The following ITGA1 variants were observed in gnomAD, a reference collection of about 807,000 sequenced individuals.
The protein encoded by ITGA1 is integrin subunit alpha 1.
A neutral mutation model predicts 145.9 loss-of-function variants in ITGA1; 85 were observed. The ratio of observed to expected loss-of-function variants is 0.58; its 90% confidence interval spans 0.49 to 0.70. The LOEUF (loss-of-function observed/expected upper bound fraction) is 0.70. Ranked by LOEUF, ITGA1 falls within the 30% of genes least tolerant of loss-of-function variation. The pLI is 0.00. For missense variants in ITGA1, 1,351 were observed against 1,418.7 expected (o/e 0.95, Z 0.77); for synonymous variants, 520 against 495.3 (o/e 1.05, Z -0.66).
chr5:52,851,647 C>T (rs532104807), intron 2 of ITGA1, among the ~76,000 whole-genome samples: 1 of 151,920 alleles, frequency 6.6e-6, no homozygotes, highest in Non-Finnish European at 1.5e-5. Context: ...TGCTAATGGT[C>T]TGTCTGAATG....
chr5:52,834,188 T>TC (rs1335731887), intron 1 of ITGA1, among the ~76,000 whole-genome samples: 1 of 152,200 alleles, frequency 6.6e-6, no homozygotes, highest in Non-Finnish European at 1.5e-5. Flanking sequence ...CTGTTCAAGT[T>TC]CACTTCATAG....
intron 18 of ITGA1, among the ~76,000 whole-genome samples, chr5:52,924,557 C>G (rs1166136369): frequency 1.3e-5 from 2 of 151,826 alleles, no homozygotes; most frequent in African/African-American, 2.4e-5. Context: ...AAATTCTAAA[C>G]TTTTGAAAGA....
chr5:52,882,771 C>T (rs1187028121), intron 7 of ITGA1: 1 of 152,158 alleles, frequency 6.6e-6, no homozygotes, highest in Non-Finnish European at 1.5e-5. Flanking sequence ...TAGCAAACTT[C>T]TGAACAAATT....
intron 1 of ITGA1, among the ~76,000 whole-genome samples, chr5:52,820,261 A>G (rs1748854696): frequency 6.6e-6 from 1 of 151,248 alleles, no homozygotes; most frequent in African/African-American, 2.4e-5. Context: ...TTCTCAGCAA[A>G]CTATCGCAAG....
intron 8 of ITGA1, 146 bp downstream of exon 8, chr5:52,888,111 G>C (rs761362631): frequency 9.6e-6 from 7 of 728,038 alleles, no homozygotes; most frequent in South Asian, 2.4e-5. Context: ...GGACAGACTT[G>C]GATCTTGCTC....
chr5:52,791,677 T>G (rs2111640845), intron 1 of ITGA1, among the ~76,000 whole-genome samples: 1 of 152,310 alleles, frequency 6.6e-6, no homozygotes, highest in South Asian at 2.1e-4. Flanking sequence ...TTCATTTTAA[T>G]CTAAAAAATT....
Position 52,905,826 on chromosome 5 carries a change from G to T in ITGA1, c.1373G>T (p.Arg458Leu). 1 of 1,613,490 alleles carries T rather than the reference G, an allele frequency of 6.2e-7. No homozygotes were observed. Among genetic ancestry groups the T allele is most frequent in the Non-Finnish European group, 8.5e-7 (1 of 1,179,776 alleles). Reference sequence around the variant, plus strand: ...GTGCTCTATATTGCTGGACAGCCTCGGTACAATCATACAGGCCAGGTCATT... The same window carrying T: ...GTGCTCTATATTGCTGGACAGCCTCTGTACAATCATACAGGCCAGGTCATT... ...GDVLYIAGQPRYNHTGQVIIY... is the reference protein window; with the variant it reads ...GDVLYIAGQPLYNHTGQVIIY... Residue 458 changes from arginine to leucine, a missense_variant, in exon 12 of 29, where the codon CGG (arginine) becomes CTG (leucine). Physicochemically the swap from Arg to Leu is moderately radical, Grantham distance 102 (BLOSUM62 -2). Transcript: ENST00000282588.
At chr5:52,835,487 A>C (rs1749148691) in intron 1 of ITGA1, among the ~76,000 whole-genome samples, 1 of 152,158 alleles carries the variant, frequency 6.6e-6, no homozygotes, top group Non-Finnish European at 1.5e-5. Context: ...TCGATTGAGA[A>C]TACAAGATGT....
intron 6 of ITGA1, among the ~76,000 whole-genome samples, chr5:52,868,585 T>C (rs1208382421): frequency 6.6e-6 from 1 of 152,206 alleles, no homozygotes; most frequent in Admixed American, 6.5e-5. Context: ...ATGTATTTTC[T>C]GGAGGGAACA....
intron 1 of ITGA1, among the ~76,000 whole-genome samples, chr5:52,841,677 C>A (rs1393777869): frequency 6.6e-6 from 1 of 152,188 alleles, no homozygotes; most frequent in East Asian, 1.9e-4. Flanking sequence ...AAAAGGGCTT[C>A]CAACTTTCAC....
At chr5:52,848,483 G>T (rs544408405) in intron 1 of ITGA1, among the ~76,000 whole-genome samples, 44 of 152,238 alleles carry the variant, frequency 2.9e-4, no homozygotes, top group African/African-American at 1.0e-3. Flanking sequence ...TCAGCTCTAG[G>T]AATGGTACAG....
intron 24 of ITGA1, 21 bp downstream of exon 24, chr5:52,937,535 A>T: frequency 1.5e-6 from 2 of 1,357,662 alleles, no homozygotes; most frequent in Non-Finnish European, 2.1e-6. Flanking sequence ...TGTGCCTTGG[A>T]ATTATGTCAT....
intron 21 of ITGA1, 71 bp downstream of exon 21, chr5:52,929,772 G>A (rs776816490): frequency 1.1e-5 from 9 of 839,184 alleles, no homozygotes; most frequent in Non-Finnish European, 1.5e-5. Flanking sequence ...CGAATATTTT[G>A]CTCTATAAAC....
intron 11 of ITGA1, 96 bp downstream of exon 11, chr5:52,898,479 T>C (rs1750265888): frequency 9.2e-7 from 1 of 1,091,852 alleles, no homozygotes; most frequent in Non-Finnish European, 1.3e-6. Context: ...TGCAACCATA[T>C]AGCAGGATTA....
chr5:52,911,358 A>ACAC (rs1750523956), intron 14 of ITGA1, among the ~76,000 whole-genome samples: 1 of 134,988 alleles, frequency 7.4e-6, no homozygotes, highest in Admixed American at 8.0e-5. Flanking sequence ...TAGTGTATAT[A>ACAC]TAGTGTATAT....
At chr5:52,911,241 T>C (rs1750518418) in intron 14 of ITGA1, among the ~76,000 whole-genome samples, 1 of 136,228 alleles carries the variant, frequency 7.3e-6, no homozygotes, top group South Asian at 2.3e-4. Context: ...GTAGTGTATA[T>C]ATAGTATATA....
intron 1 of ITGA1, among the ~76,000 whole-genome samples, chr5:52,795,346 A>G (rs1160662358): frequency 4.0e-5 from 6 of 151,896 alleles, no homozygotes; most frequent in Non-Finnish European, 7.4e-5. Flanking sequence ...GTGTTGCAGG[A>G]AAGTAAGCCT....
intron 1 of ITGA1, among the ~76,000 whole-genome samples, chr5:52,795,869 G>A (rs765766559): frequency 2.0e-4 from 30 of 151,758 alleles, no homozygotes; most frequent in Non-Finnish European, 3.2e-4. Context: ...GCTTTATTGC[G>A]GTCTGGGACT....
intron 1 of ITGA1, among the ~76,000 whole-genome samples, chr5:52,792,120 G>A (rs1485623808): frequency 3.3e-5 from 5 of 152,064 alleles, no homozygotes; most frequent in Non-Finnish European, 5.9e-5. Flanking sequence ...ACTATTTCTC[G>A]TTATTAAGAA....
Sources: allele counts gnomAD v4.1 joint callset (sites outside exome capture counted in the v4.1 genomes callset), GRCh38; gene constraint gnomAD v4.1.1; transcripts MANE v1.5; gene names NCBI Gene and HGNC (gene_info 2026-07-23, HGNC 2026-07-21).